Variants in PIK3C2G observed in about 807,000 individuals in gnomAD.
PIK3C2G encodes the protein phosphatidylinositol 3-kinase C2 domain-containing subunit gamma.
In PIK3C2G, 168 loss-of-function variants were observed where a neutral mutation model predicts 181.1. That is an observed-to-expected ratio of 0.93 (90% CI 0.82 to 1.05). The LOEUF (loss-of-function observed/expected upper bound fraction) is 1.05. Ranked by LOEUF, PIK3C2G falls within the 50% of genes least tolerant of loss-of-function variation. The pLI is 0.00. For synonymous variants in PIK3C2G, 573 were observed against 592.2 expected (o/e 0.97, Z 0.47); for missense variants, 1,869 against 1,732.8 (o/e 1.08, Z -1.40).
At chr12:18,724,002 T>C in the PIK3C2G span, among the ~76,000 whole-genome samples, 1 of 152,040 alleles carries the variant, frequency 6.6e-6, no homozygotes. Flanking sequence ...TGAGTAATCA[T>C]TGAAGGATTT....
At chr12:18,606,037 A>C (rs1947999177) in intron 30 of PIK3C2G, among the ~76,000 whole-genome samples, 1 of 152,150 alleles carries the variant, frequency 6.6e-6, no homozygotes, top group South Asian at 2.1e-4. Context: ...AAAGCTACAG[A>C]AATAATAAGC....
At chr12:18,704,626 C>T in the PIK3C2G span, among the ~76,000 whole-genome samples, 1 of 152,036 alleles carries the variant, frequency 6.6e-6, no homozygotes, top group African/African-American at 2.4e-5. Context: ...TGCACCGGGC[C>T]ATAGAGAGGG....
chr12:18,569,239 G>A (rs1164368854), intron 29 of PIK3C2G, among the ~76,000 whole-genome samples: 1 of 152,014 alleles, frequency 6.6e-6, no homozygotes, highest in Non-Finnish European at 1.5e-5. Flanking sequence ...AGTCTGCCCG[G>A]CAGAGAAACC....
At position 18,546,331 on chromosome 12, in the gene PIK3C2G, T is replaced by G; in HGVS notation, c.3489T>G (p.Tyr1163Ter). ...LLLNLLEMML[Y>*]AGLPELSGIQ... ...TTCTTGTTGTGGTTAAGATGCTGTATGCAGGACTGCCTGAGCTAAGTGGAA... is the reference window on the plus strand; with the variant it reads ...TTCTTGTTGTGGTTAAGATGCTGTAGGCAGGACTGCCTGAGCTAAGTGGAA... Residue 1163 changes from tyrosine (Y) to a stop codon, truncating the protein, a stop_gained, in exon 26 of 33, where the codon TAT becomes TAG. Transcript: ENST00000538779. LOFTEE classifies it high-confidence loss of function. 1 of 1,575,704 alleles carries G rather than the reference T, an allele frequency of 6.3e-7. No homozygotes were observed. The highest frequency in any genetic ancestry group is 2.3e-5 in the East Asian group (1 of 44,094).
At chr12:18,381,363 C>G (rs1942821856) in intron 13 of PIK3C2G, among the ~76,000 whole-genome samples, 1 of 151,888 alleles carries the variant, frequency 6.6e-6, no homozygotes, top group Non-Finnish European at 1.5e-5. Flanking sequence ...GATTTAGTCA[C>G]TCCATGGAGC....
chr12:18,312,821 G>C (rs544484541), intron 5 of PIK3C2G, among the ~76,000 whole-genome samples: 5 of 152,028 alleles, frequency 3.3e-5, no homozygotes, highest in African/African-American at 9.6e-5. Context: ...TAAAAACAAC[G>C]TTAAAATAGA....
At chr12:18,518,611 T>G (rs1942709050) in intron 24 of PIK3C2G, among the ~76,000 whole-genome samples, 1 of 152,212 alleles carries the variant, frequency 6.6e-6, no homozygotes, top group Non-Finnish European at 1.5e-5. Flanking sequence ...TGTGTCTATT[T>G]GATCCTTCTC....
At chr12:18,331,043 C>G (rs1937903262) in intron 8 of PIK3C2G, among the ~76,000 whole-genome samples, 1 of 152,028 alleles carries the variant, frequency 6.6e-6, no homozygotes, top group Non-Finnish European at 1.5e-5. Flanking sequence ...TTCTATGATC[C>G]ATTTCAAGTT....
chr12:18,557,333 A>G (rs1945064833), intron 26 of PIK3C2G, among the ~76,000 whole-genome samples: 1 of 152,110 alleles, frequency 6.6e-6, no homozygotes, highest in Non-Finnish European at 1.5e-5. Flanking sequence ...ACAAATCAAA[A>G]TAACAAGAAT....
chr12:18,454,455 T>C (rs553330421), intron 18 of PIK3C2G, among the ~76,000 whole-genome samples: 92 of 152,218 alleles, frequency 6.0e-4, no homozygotes, highest in African/African-American at 2.1e-3. Flanking sequence ...TATTAGAGTG[T>C]GCTTAGCAAT....
At chr12:18,665,742 C>A in the PIK3C2G span, among the ~76,000 whole-genome samples, 47 of 152,084 alleles carry the variant, frequency 3.1e-4, no homozygotes, top group Non-Finnish European at 6.2e-4. Flanking sequence ...CGAGACCATC[C>A]TGGACCACAT....
chr12:18,636,010 G>A (rs1949585907), intron 31 of PIK3C2G, among the ~76,000 whole-genome samples: 1 of 152,188 alleles, frequency 6.6e-6, no homozygotes, highest in Non-Finnish European at 1.5e-5. Context: ...TTGAAGTTTA[G>A]TCAGCTTTAT....
At chr12:18,390,417 A>G (rs1592137805) in intron 14 of PIK3C2G, among the ~76,000 whole-genome samples, 1 of 152,172 alleles carries the variant, frequency 6.6e-6, no homozygotes, top group Non-Finnish European at 1.5e-5. Flanking sequence ...CAGCTTATTT[A>G]CATAGCCTGG....
intron 1 of PIK3C2G, among the ~76,000 whole-genome samples, chr12:18,255,845 A>G (rs1948141145): frequency 6.6e-6 from 1 of 152,338 alleles, no homozygotes; most frequent in South Asian, 2.1e-4. Flanking sequence ...TTTTCAAGGC[A>G]ATGATCAAAT....
chr12:18,265,344 T>C (rs1162435780), intron 1 of PIK3C2G, among the ~76,000 whole-genome samples: 1 of 152,178 alleles, frequency 6.6e-6, no homozygotes, highest in African/African-American at 2.4e-5. Flanking sequence ...ACAAATGTTT[T>C]TGTATGATTT....
chr12:18,250,201 T>C (rs1948082192), intron 1 of PIK3C2G, among the ~76,000 whole-genome samples: 1 of 152,086 alleles, frequency 6.6e-6, no homozygotes, highest in Non-Finnish European at 1.5e-5. Context: ...TTATGTACTA[T>C]ATCTAGGTAA....
intron 13 of PIK3C2G, among the ~76,000 whole-genome samples, chr12:18,374,646 T>G (rs1244879165): frequency 6.6e-6 from 1 of 152,214 alleles, no homozygotes; most frequent in Non-Finnish European, 1.5e-5. Flanking sequence ...AACACTTCAC[T>G]ACCCTACAAG....
intron 18 of PIK3C2G, among the ~76,000 whole-genome samples, chr12:18,474,899 C>A (rs528045310): frequency 6.6e-6 from 1 of 152,088 alleles, no homozygotes; most frequent in African/African-American, 2.4e-5. Context: ...AAATTGCTAA[C>A]CAATTAATTC....
chr12:18,576,502 A>G (rs1373473265), intron 29 of PIK3C2G, among the ~76,000 whole-genome samples: 1 of 152,260 alleles, frequency 6.6e-6, no homozygotes, highest in Non-Finnish European at 1.5e-5. Flanking sequence ...AAGATAGAAT[A>G]GTGTAATAGG....
Sources: allele counts gnomAD v4.1 joint callset (sites outside exome capture counted in the v4.1 genomes callset), GRCh38; gene constraint gnomAD v4.1.1; transcripts MANE v1.5; gene names NCBI Gene and HGNC (gene_info 2026-07-23, HGNC 2026-07-21).